CLIP2: variants seen among roughly 807,000 people sequenced by gnomAD.
CLIP2 encodes the protein CAP-Gly domain containing linker protein 2, also known as CAP-Gly domain-containing linker protein 2.
A neutral mutation model predicts 111.7 loss-of-function variants in CLIP2; 41 were observed. The observed-to-expected ratio is 0.37, with a 90% CI of 0.29 to 0.48. CLIP2 has a LOEUF of 0.48. Ranked by LOEUF, CLIP2 falls within the 20% of genes least tolerant of loss-of-function variation. The pLI is 0.99. For missense variants in CLIP2, 1,160 were observed against 1,422.1 expected (o/e 0.82, Z 2.96); for synonymous variants, 660 against 644.2 (o/e 1.02, Z -0.37).
Position 74,341,069 on chromosome 7 carries a change from A to G in CLIP2, c.678+2065A>G, listed in dbSNP as rs140677178. 2.9e-3 allele frequency among the ~76,000 whole-genome samples: 447 copies of G among 152,150 alleles called. 1 individual carries two copies. Among genetic ancestry groups the G allele is most frequent in the African/African-American group, 0.01 (428 of 41,518 alleles). ...GGTTGTGGGTAGGGGAGCGAGAGGT[A>G]ATGTTTACACCCATGGCCCCGTTGA... On this transcript the variant is annotated intron_variant, in intron 3 of 16. Coordinates refer to ENST00000223398, the MANE Select transcript of CLIP2 (RefSeq NM_003388.5).
intron 3 of CLIP2, among the ~76,000 whole-genome samples, chr7:74,347,344 C>T (rs1331750563): frequency 2.0e-5 from 3 of 152,212 alleles, no homozygotes; most frequent in African/African-American, 7.2e-5. Context: ...CCTCAGCTCA[C>T]TGCAAGCTCC....
chr7:74,323,496 T>C (rs1450738916), intron 2 of CLIP2, among the ~76,000 whole-genome samples: 1 of 151,462 alleles, frequency 6.6e-6, no homozygotes, highest in Non-Finnish European at 1.5e-5. Flanking sequence ...GGCATGATCT[T>C]GGCTCACTGC....
chr7:74,362,750 G>A (rs1790368479), intron 7 of CLIP2, among the ~76,000 whole-genome samples: 1 of 151,918 alleles, frequency 6.6e-6, no homozygotes, highest in African/African-American at 2.4e-5. Context: ...GGCCAGGTTG[G>A]TCTTGAACTC....
Position 74,338,484 on chromosome 7 carries a change from C to T in CLIP2, c.158C>T (p.Ser53Phe), listed in dbSNP as rs1347273984. Residue 53 changes from serine (S) to phenylalanine (F), a missense_variant, in exon 3 of 17, where the codon TCC becomes TTC. By Grantham distance (155) the Ser-to-Phe change is radical. This residue lies in a region of CLIP2 where 301 missense variants were observed against 315.2 expected (regional missense o/e 0.96). Coordinates refer to ENST00000223398, the MANE Select transcript of CLIP2 (RefSeq NM_003388.5). The surrounding 1 kb of genome is among the most constrained non-coding windows in gnomAD (Gnocchi z 4.3). ...PLHKQSSGPSSSPAAAAAPEK... is the reference protein window; with the variant it reads ...PLHKQSSGPSFSPAAAAAPEK... The stretch of plus-strand genomic sequence containing the variant: ...CACAAACAGTCATCTGGACCCTCCT[C>T]CTCCCCGGCCGCAGCTGCTGCCCCC... 4 of 1,612,582 alleles carry T rather than the reference C, an allele frequency of 2.5e-6. No homozygotes were observed. Among genetic ancestry groups the T allele is most frequent in the East Asian group, 2.2e-5 (1 of 44,852 alleles).
intron 1 of CLIP2, among the ~76,000 whole-genome samples, chr7:74,301,872 C>T (rs946827893): frequency 1.3e-5 from 2 of 150,168 alleles, no homozygotes; most frequent in Non-Finnish European, 3.0e-5. Flanking sequence ...TCCACCACAC[C>T]AGGCTAATTT....
intron 2 of CLIP2, among the ~76,000 whole-genome samples, chr7:74,318,755 A>G (rs1554729563): frequency 6.6e-6 from 1 of 152,208 alleles, no homozygotes; most frequent in Admixed American, 6.6e-5. Context: ...ACTTTGATAA[A>G]TGATGCTGTG....
intron 1 of CLIP2, among the ~76,000 whole-genome samples, chr7:74,306,883 C>T (rs1788505105): frequency 6.6e-6 from 1 of 152,196 alleles, no homozygotes; most frequent in Non-Finnish European, 1.5e-5. Flanking sequence ...CTCACAGCCA[C>T]TCGGAGAAAG....
At chr7:74,385,522 C>G (rs1320437655) in intron 11 of CLIP2, among the ~76,000 whole-genome samples, 1 of 151,658 alleles carries the variant, frequency 6.6e-6, no homozygotes, top group African/African-American at 2.4e-5. Context: ...TATTACATTC[C>G]CTTTATAAAT....
intron 7 of CLIP2, among the ~76,000 whole-genome samples, chr7:74,363,773 G>A (rs1455090396): frequency 1.3e-5 from 2 of 151,920 alleles, no homozygotes; most frequent in Non-Finnish European, 2.9e-5. Context: ...ATGTATGCCT[G>A]TAATCCCAGC....
intron 14 of CLIP2, among the ~76,000 whole-genome samples, chr7:74,399,880 C>A (rs937811960): frequency 6.6e-6 from 1 of 150,728 alleles, no homozygotes; most frequent in African/African-American, 2.4e-5. Context: ...CAAGGCTGGG[C>A]GCAGTGGCTC....
chr7:74,316,623 G>C (rs950902083), intron 1 of CLIP2, among the ~76,000 whole-genome samples: 1 of 151,320 alleles, frequency 6.6e-6, no homozygotes. Context: ...GTGCAGCAGC[G>C]TGACCTCGGC....
chr7:74,403,214 CAAAAA>C (rs35885639), intron 16 of CLIP2, among the ~76,000 whole-genome samples: 2 of 113,116 alleles, frequency 1.8e-5, no homozygotes, highest in Admixed American at 9.5e-5. Flanking sequence ...GAGACTGTCT[CAAAAA>C]AAAAAAAAAA....
intron 11 of CLIP2, among the ~76,000 whole-genome samples, chr7:74,382,368 G>T (rs1359351464): frequency 1.4e-5 from 2 of 142,666 alleles, no homozygotes; most frequent in Admixed American, 7.3e-5. Context: ...GCAGTGGCAC[G>T]ATCTCAGCTC....
chr7:74,390,148 G>GAAAA (rs1267783068), intron 13 of CLIP2, among the ~76,000 whole-genome samples: 1 of 57,354 alleles, frequency 1.7e-5, no homozygotes, highest in African/African-American at 7.8e-5. Context: ...AAGAAAGAAA[G>GAAAA]AAAAAGAAAG....
intron 2 of CLIP2, among the ~76,000 whole-genome samples, chr7:74,328,849 T>A (rs1789194232): frequency 6.6e-6 from 1 of 151,292 alleles, no homozygotes; most frequent in East Asian, 1.9e-4. Flanking sequence ...CTCCAACTCC[T>A]CTCTCAGCCT....
intron 3 of CLIP2, among the ~76,000 whole-genome samples, chr7:74,342,694 A>G (rs1043799383): frequency 2.6e-5 from 4 of 152,080 alleles, no homozygotes; most frequent in South Asian, 4.1e-4. Flanking sequence ...TAGGCGGATC[A>G]CTTGAGGTCA....
intron 8 of CLIP2, 27 bp downstream of exon 8, chr7:74,364,342 GCA>G (rs1562711688): frequency 1.3e-6 from 2 of 1,596,978 alleles, no homozygotes; most frequent in Non-Finnish European, 1.7e-6. Flanking sequence ...CCTTCCCTGG[GCA>G]CACTTAGCAC....
At chr7:74,358,514 G>A (rs776456754) in intron 6 of CLIP2, among the ~76,000 whole-genome samples, 2 of 151,652 alleles carry the variant, frequency 1.3e-5, no homozygotes, top group Non-Finnish European at 2.9e-5. Context: ...TTTCTTCCCC[G>A]GCTACTTATT....
At chr7:74,386,721 G>C (rs1221115990) in intron 12 of CLIP2, 117 bp downstream of exon 12, 1 of 701,844 alleles carries the variant, frequency 1.4e-6, no homozygotes, top group African/African-American at 1.9e-5. Flanking sequence ...CCCCGACTCT[G>C]CTTTGAGAAG....
Sources: allele counts gnomAD v4.1 joint callset (sites outside exome capture counted in the v4.1 genomes callset), GRCh38; gene constraint gnomAD v4.1.1; regional missense constraint gnomAD v4.1.1; non-coding constraint Gnocchi (gnomAD v3.1); transcripts MANE v1.5; gene names NCBI Gene and HGNC (gene_info 2026-07-23, HGNC 2026-07-21).